Variants in PTPRG observed in about 807,000 individuals in gnomAD.
PTPRG encodes receptor-type tyrosine-protein phosphatase gamma.
A neutral mutation model predicts 165.3 loss-of-function variants in PTPRG; 102 were observed. That is an observed-to-expected ratio of 0.62 (90% CI 0.53 to 0.73). PTPRG has a LOEUF of 0.73. Among genes scored for constraint, PTPRG ranks in the 30% least tolerant of loss-of-function variants. The probability of loss-of-function intolerance (pLI) is 0.00; values close to 1 mark genes in which losing one functional copy is unlikely to be tolerated. For missense variants in PTPRG, 1,866 were observed against 1,861.4 expected (o/e 1.00, Z -0.05); for synonymous variants, 675 against 669.5 (o/e 1.01, Z -0.13).
chr3:61,831,852 C>A (rs1429865895), intron 2 of PTPRG, among the ~76,000 whole-genome samples: 1 of 152,078 alleles, frequency 6.6e-6, no homozygotes, highest in Admixed American at 6.5e-5. Context: ...TAAACACACA[C>A]ATAGGATAGA....
intron 2 of PTPRG, among the ~76,000 whole-genome samples, chr3:61,919,849 GA>G (rs1311793299): frequency 6.6e-6 from 1 of 152,164 alleles, no homozygotes; most frequent in African/African-American, 2.4e-5. Flanking sequence ...CTGCAGCTAA[GA>G]AGCCTGTCCT....
At chr3:61,788,667 G>C (rs2366204) in intron 2 of PTPRG, among the ~76,000 whole-genome samples, 5,849 of 152,272 alleles carry the variant, frequency 0.038, 294 homozygotes, top group African/African-American at 0.12. Context: ...GTTTGTTCTA[G>C]ACCAGAGGTT....
intron 12 of PTPRG, among the ~76,000 whole-genome samples, chr3:62,206,400 G>A (rs1700231095): frequency 6.6e-6 from 1 of 152,018 alleles, no homozygotes; most frequent in Non-Finnish European, 1.5e-5. Context: ...ATTCACTCAG[G>A]GTCCTCAGGT....
At chr3:61,802,528 C>T (rs2035280941) in intron 2 of PTPRG, among the ~76,000 whole-genome samples, 1 of 152,164 alleles carries the variant, frequency 6.6e-6, no homozygotes. Flanking sequence ...TAAAGTTGGC[C>T]AGTATTCTTC....
chr3:61,919,706 AT>A (rs375914715), intron 2 of PTPRG, among the ~76,000 whole-genome samples: 1,619 of 151,632 alleles, frequency 0.011, 36 homozygotes, highest in South Asian at 0.094. Context: ...CTAAAGGAAG[AT>A]TTTTTTTTCT....
chr3:61,576,774 A>G (rs1700181728), intron 1 of PTPRG, among the ~76,000 whole-genome samples: 1 of 152,138 alleles, frequency 6.6e-6, no homozygotes, highest in Non-Finnish European at 1.5e-5. Flanking sequence ...ATTGATTTGA[A>G]CTTATATTTG....
At position 62,278,631 on chromosome 3, in the gene PTPRG, C is replaced by T. The variant is rs374004210; in HGVS notation, c.3765+952C>T. Among the ~76,000 whole-genome samples the T allele has an allele frequency of 8.9e-4, 136 of 152,098 alleles. 3 individuals are homozygous for T. The South Asian group carries it at 0.027, about 30-fold the overall frequency. On this transcript the variant is annotated intron_variant, in intron 26 of 29. Coordinates refer to ENST00000474889, the MANE Select transcript of PTPRG (RefSeq NM_002841.4). Reference sequence around the variant, plus strand: ...GAAGAACAGCATGTGACTGAACCCCCAGTCTTGGTGACATGCATTTGACTG... The same window carrying T: ...GAAGAACAGCATGTGACTGAACCCCTAGTCTTGGTGACATGCATTTGACTG...
chr3:61,766,154 A>C (rs1243591595), intron 2 of PTPRG, among the ~76,000 whole-genome samples: 4 of 152,166 alleles, frequency 2.6e-5, no homozygotes, highest in Non-Finnish European at 5.9e-5. Flanking sequence ...TTTTTCTTTA[A>C]ATTGGAATGA....
intron 1 of PTPRG, among the ~76,000 whole-genome samples, chr3:61,597,616 C>G (rs1266699780): frequency 1.2e-4 from 19 of 152,152 alleles, no homozygotes; most frequent in South Asian, 2.1e-4. Flanking sequence ...GGTTTTAGGT[C>G]ATTGTCCTGA....
At chr3:62,053,330 T>G (rs1317601524) in intron 4 of PTPRG, among the ~76,000 whole-genome samples, 2 of 149,568 alleles carry the variant, frequency 1.3e-5, no homozygotes, top group African/African-American at 2.5e-5. Flanking sequence ...GCAGTGGTGC[T>G]ATCTCAGCTC....
chr3:61,724,856 C>G (rs374479649), intron 1 of PTPRG, among the ~76,000 whole-genome samples: 1 of 152,068 alleles, frequency 6.6e-6, no homozygotes. Flanking sequence ...TACACACACT[C>G]TAGATAGTAG....
intron 8 of PTPRG, among the ~76,000 whole-genome samples, chr3:62,186,767 A>C (rs1042403198): frequency 6.6e-6 from 1 of 151,844 alleles, no homozygotes; most frequent in African/African-American, 2.4e-5. Flanking sequence ...GGGTTTCACC[A>C]TGTTGTCCAG....
intron 4 of PTPRG, among the ~76,000 whole-genome samples, chr3:62,042,233 G>A (rs11707831): frequency 0.24 from 36,061 of 151,974 alleles, 4,684 homozygotes; most frequent in African/African-American, 0.32. Context: ...GTGAACAGTA[G>A]TATTTCCAGC....
chr3:62,014,959 G>A (rs2041505594), intron 4 of PTPRG, among the ~76,000 whole-genome samples: 3 of 152,164 alleles, frequency 2.0e-5, no homozygotes, highest in Admixed American at 2.0e-4. Flanking sequence ...TCACAGTCCT[G>A]AGACATATTC....
Position 62,286,255 on chromosome 3 carries a change from G to A in PTPRG, c.4055+3386G>A, listed in dbSNP as rs574292060. ...AATCATAACTAATTCCAGTATTTTCGCTTTTATTGAGAGCCTTATGGAAGG... is the reference window on the plus strand; with the variant it reads ...AATCATAACTAATTCCAGTATTTTCACTTTTATTGAGAGCCTTATGGAAGG... On this transcript the variant is annotated intron_variant, in intron 28 of 29. Transcript: ENST00000474889. Among the ~76,000 whole-genome samples, 33 of 152,130 alleles carry A rather than the reference G, an allele frequency of 2.2e-4. No individual in the cohort carries two copies. In the South Asian group the frequency reaches 5.4e-3, roughly 25 times the overall value.
At chr3:61,970,052 A>G (rs553224046) in intron 2 of PTPRG, among the ~76,000 whole-genome samples, 6 of 152,346 alleles carry the variant, frequency 3.9e-5, no homozygotes, top group Non-Finnish European at 7.3e-5. Flanking sequence ...CCTTTTTAGC[A>G]CAAATAATTG....
chr3:61,733,382 A>C (rs143704008), intron 1 of PTPRG, among the ~76,000 whole-genome samples: 11 of 152,138 alleles, frequency 7.2e-5, no homozygotes, highest in African/African-American at 2.4e-4. Context: ...TTTCTCTGTC[A>C]TGTGCCATGT....
chr3:61,801,454 T>C (rs1423307013), intron 2 of PTPRG, among the ~76,000 whole-genome samples: 6 of 151,178 alleles, frequency 4.0e-5, no homozygotes, highest in Non-Finnish European at 8.8e-5. Flanking sequence ...ACTACATAAA[T>C]ATAATTTTTT....
At chr3:61,842,167 A>G (rs1352820916) in intron 2 of PTPRG, among the ~76,000 whole-genome samples, 1 of 152,212 alleles carries the variant, frequency 6.6e-6, no homozygotes, top group Non-Finnish European at 1.5e-5. Flanking sequence ...CACACCCTAT[A>G]CCATGTTTAG....
Sources: allele counts gnomAD v4.1 joint callset (sites outside exome capture counted in the v4.1 genomes callset), GRCh38; gene constraint gnomAD v4.1.1; transcripts MANE v1.5; gene names NCBI Gene and HGNC (gene_info 2026-07-23, HGNC 2026-07-21).